Variants in TCF20 observed in about 807,000 individuals in gnomAD.
The protein encoded by TCF20 is SPRE-binding protein.
In TCF20, 3 loss-of-function variants were observed where a neutral mutation model predicts 148.6. That is an observed-to-expected ratio of 0.02 (90% CI 0.01 to 0.05). The LOEUF (loss-of-function observed/expected upper bound fraction) is 0.05. TCF20 is among the 10% of genes least tolerant of loss of function. The probability of loss-of-function intolerance (pLI) is 1.00; values close to 1 mark genes in which losing one functional copy is unlikely to be tolerated. For missense variants in TCF20, 2,350 were observed against 2,429.3 expected, an observed-to-expected ratio of 0.97 and a Z score of 0.69; for synonymous variants, 1,049 against 909.5, an observed-to-expected ratio of 1.15 and a Z score of -2.76.
chr22:42,215,466 TA>T (rs1921667595), intron 1 of TCF20, 125 bp from the exon 2 acceptor site: 2 of 1,289,606 alleles, frequency 1.6e-6, no homozygotes, highest in Non-Finnish European at 1.0e-6. Flanking sequence ...TTTGAATTTC[TA>T]TTTTTTTTTT....
intron 3 of TCF20, among the ~76,000 whole-genome samples, chr22:42,171,233 G>A (rs1052055233): frequency 1.3e-5 from 2 of 152,270 alleles, no homozygotes. Context: ...GGTGCAAAAC[G>A]CGGTGGCAGA....
At chr22:42,341,245 G>A (rs1177817346) in intron 1 of TCF20, among the ~76,000 whole-genome samples, 5 of 152,182 alleles carry the variant, frequency 3.3e-5, no homozygotes, top group African/African-American at 9.7e-5. Context: ...CACCCCGGGG[G>A]ACACGCTAAT....
intron 2 of TCF20, among the ~76,000 whole-genome samples, chr22:42,209,443 TAAGC>T (rs1406153202): frequency 6.6e-6 from 1 of 152,222 alleles, no homozygotes; most frequent in Non-Finnish European, 1.5e-5. Context: ...ATATGCTTCA[TAAGC>T]ATTATACATT....
At chr22:42,281,651 G>T (rs1231240994) in intron 1 of TCF20, among the ~76,000 whole-genome samples, 1 of 152,224 alleles carries the variant, frequency 6.6e-6, no homozygotes, top group Non-Finnish European at 1.5e-5. Context: ...TGATTTCCCT[G>T]TCAGACCTCA....
chr22:42,240,877 A>G (rs1051864200), intron 1 of TCF20, among the ~76,000 whole-genome samples: 1 of 151,798 alleles, frequency 6.6e-6, no homozygotes, highest in Non-Finnish European at 1.5e-5. Context: ...TTTCTGAGAC[A>G]GAGTCTTGCT....
At chr22:42,272,775 A>G (rs776833354), upstream of TCF20, among the ~76,000 whole-genome samples, 2 of 152,234 alleles carry the variant, frequency 1.3e-5, no homozygotes, top group Non-Finnish European at 2.9e-5. Context: ...TGGGCATCAT[A>G]GCCAACAGGA....
chr22:42,307,687 A>G (rs1601701267), intron 1 of TCF20, among the ~76,000 whole-genome samples: 3 of 152,356 alleles, frequency 2.0e-5, no homozygotes, highest in African/African-American at 7.2e-5. Flanking sequence ...CATGGAACAC[A>G]AGATAATGCA....
chr22:42,182,368 A>T (rs1393629393), intron 2 of TCF20, among the ~76,000 whole-genome samples: 1 of 152,248 alleles, frequency 6.6e-6, no homozygotes, highest in Non-Finnish European at 1.5e-5. Context: ...AAAAGTGCTA[A>T]GTAAATGTGA....
upstream of TCF20, among the ~76,000 whole-genome samples, chr22:42,270,781 C>CGCGTGCCCACCCGCGT (rs1379321968): frequency 6.9e-6 from 1 of 145,214 alleles, no homozygotes; most frequent in Non-Finnish European, 1.5e-5. Context: ...GCCGGGCGCG[C>CGCGTGCCCACCCGCGT]GCGTGCCCAC....
upstream of TCF20, among the ~76,000 whole-genome samples, chr22:42,273,426 T>C (rs188490809): frequency 3.1e-4 from 46 of 147,120 alleles, no homozygotes; most frequent in Non-Finnish European, 6.4e-4. Context: ...ACTAGCTGCA[T>C]GTTCTATGAC....
At chr22:42,192,130 C>T (rs906247633) in intron 2 of TCF20, among the ~76,000 whole-genome samples, 3 of 152,180 alleles carry the variant, frequency 2.0e-5, no homozygotes, top group African/African-American at 7.2e-5. Flanking sequence ...AGCTGCTTCT[C>T]TCCATGGCTC....
chr22:42,211,586 T>C lies in TCF20; in HGVS notation c.3720A>G (p.Pro1240=). ...SKPGSVMLRL[P]GQEDHSSQNP... ...TTTGAGAAGAATGATCCTCCTGGCC[T>C]GGAAGTCTCAGCATAACACTACCAG... Residue 1240 remains proline, a synonymous_variant, in exon 2 of 6, where the codon CCA becomes CCG. Coordinates refer to ENST00000677622, the MANE Select transcript of TCF20 (RefSeq NM_001378418.1). 1.2e-6 allele frequency: 2 copies of C among 1,614,248 alleles called. No homozygotes were observed. The highest frequency in any genetic ancestry group is 8.5e-7 in the Non-Finnish European group (1 of 1,180,042).
At chr22:42,268,025 A>G (rs1295066374) in intron 1 of TCF20, among the ~76,000 whole-genome samples, 1 of 152,092 alleles carries the variant, frequency 6.6e-6, no homozygotes, top group Non-Finnish European at 1.5e-5. Context: ...GTATGCCTCT[A>G]ATCCCAGCTA....
At position 42,254,959 on chromosome 22, in the gene TCF20, CAAAAA is replaced by C. The variant is rs10625678; in HGVS notation, c.-37+15375_-37+15379del. 3.4e-3 allele frequency among the ~76,000 whole-genome samples: 216 copies of C among 62,810 alleles called. 5 individuals carry two copies. The highest frequency in any genetic ancestry group is 3.6e-3 in the Non-Finnish European group (142 of 39,222). The allele number at this position is 62,810 out of a possible 152,430, so 41.2% of individuals were successfully genotyped here. A position where few individuals can be genotyped will look rare whatever the true frequency, so the allele number is the denominator to read the frequency against. ...TGGGTGACACAGCAAGACTCCGTCTCAAAAAAAAAAAAAAAAAAAAGGTAGAGGAA... is the reference window on the plus strand; with the variant it reads ...TGGGTGACACAGCAAGACTCCGTCTCAAAAAAAAAAAAAAAGGTAGAGGAA... On this transcript the variant is annotated intron_variant, in intron 1 of 5. Coordinates refer to ENST00000677622, the MANE Select transcript of TCF20 (RefSeq NM_001378418.1).
intron 1 of TCF20, among the ~76,000 whole-genome samples, chr22:42,220,180 T>C (rs776531388): frequency 2.6e-5 from 4 of 151,182 alleles, no homozygotes; most frequent in Non-Finnish European, 4.4e-5. Context: ...ATCCATTCTC[T>C]TTTTTGGAAA....
intron 1 of TCF20, among the ~76,000 whole-genome samples, chr22:42,245,417 C>A (rs1173370227): frequency 2.0e-5 from 3 of 152,138 alleles, no homozygotes; most frequent in African/African-American, 7.2e-5. Context: ...CTCGGCCCTG[C>A]AAAAACATGA....
chr22:42,264,119 C>T (rs1661008880), intron 1 of TCF20, among the ~76,000 whole-genome samples: 1 of 151,996 alleles, frequency 6.6e-6, no homozygotes, highest in African/African-American at 2.4e-5. Flanking sequence ...TTAACAAAGC[C>T]TTTCTGATCC....
At chr22:42,227,281 A>C (rs541129480) in intron 1 of TCF20, among the ~76,000 whole-genome samples, 58 of 152,308 alleles carry the variant, frequency 3.8e-4, no homozygotes, top group African/African-American at 1.3e-3. Flanking sequence ...TCTCTCAAAA[A>C]AAAATAGTAA....
At chr22:42,216,138 A>G (rs1921775788) in intron 1 of TCF20, among the ~76,000 whole-genome samples, 1 of 110,082 alleles carries the variant, frequency 9.1e-6, no homozygotes, top group Admixed American at 1.4e-4. Flanking sequence ...CCCAGGCTGG[A>G]GTGTGCAGGG....
Sources: gnomAD v4.1 joint callset for allele counts (sites outside exome capture counted in the v4.1 genomes callset) on GRCh38, gnomAD v4.1.1 for gene constraint, MANE v1.5 for transcripts, NCBI Gene and HGNC (gene_info 2026-07-23, HGNC 2026-07-21) for gene names.